EFCAB8: variants seen among roughly 807,000 people sequenced by gnomAD.
EFCAB8 encodes the protein EF-hand calcium binding domain 8, also known as EF-hand calcium-binding domain-containing protein 8.
EFCAB8 carries 100 observed loss-of-function variants against 116.3 expected under a neutral mutation model. The ratio of observed to expected loss-of-function variants is 0.86; its 90% CI spans 0.73 to 1.02. The LOEUF (loss-of-function observed/expected upper bound fraction) is 1.02. EFCAB8 is among the 50% of genes least tolerant of loss of function. The pLI, the probability that EFCAB8 is intolerant of heterozygous loss-of-function variation, is 0.00. For missense variants in EFCAB8, 1,320 were observed against 1,416.9 expected, an observed-to-expected ratio of 0.93 and a Z score of 1.10; for synonymous variants, 558 against 567.9, an observed-to-expected ratio of 0.98 and a Z score of 0.25.
rs77467549 is a variant in EFCAB8, at chr20:32,912,572, A to G, written c.1786-222A>G. On this transcript the variant is annotated intron_variant, in intron 16 of 26. Transcript: ENST00000400522. Reference sequence around the variant, plus strand: ...CCCATTTCCCAGCTATCCTCTCTGTAAAATGGACATGGATGCCTACCCTAT... The same window carrying G: ...CCCATTTCCCAGCTATCCTCTCTGTGAAATGGACATGGATGCCTACCCTAT... Among the ~76,000 whole-genome samples the G allele has an allele frequency of 2.8e-3, 429 of 152,268 alleles. 2 individuals carry two copies. Among genetic ancestry groups the G allele is most frequent in the African/African-American group, 9.5e-3 (395 of 41,540 alleles).
At chr20:32,953,502 TG>T (rs1430823519) in intron 23 of EFCAB8, among the ~76,000 whole-genome samples, 5 of 152,222 alleles carry the variant, frequency 3.3e-5, no homozygotes, top group African/African-American at 9.6e-5. Flanking sequence ...ATTTTGTTTT[TG>T]TTTTTTTTGT....
At chr20:32,902,292 G>A (rs1171633850) in intron 11 of EFCAB8, among the ~76,000 whole-genome samples, 3 of 152,298 alleles carry the variant, frequency 2.0e-5, no homozygotes, top group African/African-American at 2.4e-5. Context: ...AGGCTGCATA[G>A]GATGGTGGCC....
chr20:32,961,552 G>GC lies in EFCAB8; in HGVS notation c.3812dup (p.Leu1272SerfsTer?). 2 of 1,403,280 alleles carry GC rather than the reference G, an allele frequency of 1.4e-6. No homozygotes were observed. Among genetic ancestry groups the GC allele is most frequent in the Non-Finnish European group, 1.9e-6 (2 of 1,076,808 alleles). 86.9% of individuals were successfully genotyped at this position (1,403,280 alleles called of 1,614,324 possible). ...TCTCCTCCTTCGAGCGGCCCCCAAGGCCTCTGAAGGCCACCTTCATGTCCT... is the reference window on the plus strand; with the variant it reads ...TCTCCTCCTTCGAGCGGCCCCCAAGGCCCTCTGAAGGCCACCTTCATGTCCT... On this transcript the variant is annotated frameshift_variant, in exon 27 of 27. Coordinates refer to ENST00000400522, the MANE Select transcript of EFCAB8 (RefSeq NM_001143967.2). LOFTEE classifies it low-confidence loss of function (END_TRUNC).
intron 20 of EFCAB8, among the ~76,000 whole-genome samples, chr20:32,928,642 A>G (rs1987766563): frequency 6.6e-6 from 1 of 152,140 alleles, no homozygotes; most frequent in South Asian, 2.1e-4. Flanking sequence ...TACATATAAG[A>G]TAATATCATC....
chr20:32,934,608 A>G (rs995919852), intron 22 of EFCAB8, among the ~76,000 whole-genome samples: 11 of 152,210 alleles, frequency 7.2e-5, no homozygotes, highest in African/African-American at 2.7e-4. Context: ...TGTAGCTCTC[A>G]TAATCCCCAG....
intron 23 of EFCAB8, among the ~76,000 whole-genome samples, chr20:32,945,237 A>G (rs1988551540): frequency 1.3e-5 from 2 of 152,060 alleles, no homozygotes; most frequent in Admixed American, 1.3e-4. Context: ...CAGCTCACTG[A>G]AGCCTTGACC....
intron 2 of EFCAB8, 81 bp downstream of exon 2, chr20:32,863,915 A>G (rs981628149): frequency 5.4e-6 from 8 of 1,473,246 alleles, no homozygotes; most frequent in Non-Finnish European, 6.4e-6. Flanking sequence ...GCATGGAAGT[A>G]TAGGTGTTTC....
chr20:32,898,148 T>C (rs1986252445), intron 10 of EFCAB8, among the ~76,000 whole-genome samples: 1 of 152,244 alleles, frequency 6.6e-6, no homozygotes, highest in Admixed American at 6.5e-5. Flanking sequence ...GGGCTCCCTG[T>C]GGATAACTAG....
chr20:32,897,770 G>A (rs79029642), intron 10 of EFCAB8, among the ~76,000 whole-genome samples: 3,942 of 152,282 alleles, frequency 0.026, 59 homozygotes, highest in South Asian at 0.054. Context: ...GTCTCACTCA[G>A]TGTCTTGGAT....
chr20:32,925,321 G>T (rs1987626494), intron 20 of EFCAB8, among the ~76,000 whole-genome samples: 1 of 152,158 alleles, frequency 6.6e-6, no homozygotes, highest in African/African-American at 2.4e-5. Flanking sequence ...CTGGGTTCAA[G>T]TGATTCTCGT....
intron 17 of EFCAB8, among the ~76,000 whole-genome samples, chr20:32,916,074 A>G (rs1355515775): frequency 1.3e-5 from 2 of 152,206 alleles, no homozygotes; most frequent in African/African-American, 4.8e-5. Context: ...TCAGGCTGTT[A>G]TAACAGAATA....
chr20:32,949,959 C>A (rs1364469553), intron 23 of EFCAB8, among the ~76,000 whole-genome samples: 4 of 152,166 alleles, frequency 2.6e-5, no homozygotes, highest in Non-Finnish European at 4.4e-5. Flanking sequence ...AAGATCGCAC[C>A]ACTGCACTGC....
At chr20:32,903,807 G>C (rs1219939552) in intron 11 of EFCAB8, 1 of 152,604 alleles carries the variant, frequency 6.6e-6, no homozygotes, top group Non-Finnish European at 1.5e-5. Flanking sequence ...TGGGCTAGCA[G>C]TGGCCATGGG....
rs1207641938 is a variant in EFCAB8 at position 32,889,996 on chromosome 20, G to A, written c.673+590G>A. ...AGCATGGGCGACAGAGAGAGACTCA[G>A]TCTTAAAAAAAAAAAAAAAAAAAGC... On this transcript the variant is annotated intron_variant, in intron 7 of 26. Coordinates refer to ENST00000400522, the MANE Select transcript of EFCAB8 (RefSeq NM_001143967.2). Among the ~76,000 whole-genome samples, 4 of 106,796 alleles carry A rather than the reference G, an allele frequency of 3.7e-5. 1 individual carries two copies. In the East Asian group the frequency reaches 9.9e-4, roughly 27 times the overall value. The allele number at this position is 106,796 out of a possible 152,430, so 70.1% of individuals were successfully genotyped here.
intron 1 of EFCAB8, among the ~76,000 whole-genome samples, chr20:32,863,051 C>A (rs1205508205): frequency 6.6e-6 from 1 of 152,016 alleles, no homozygotes; most frequent in Non-Finnish European, 1.5e-5. Context: ...TCCTCCCTCC[C>A]CTCTGCCTCC....
At chr20:32,864,728 A>C (rs1023224833) in intron 2 of EFCAB8, among the ~76,000 whole-genome samples, 6 of 152,218 alleles carry the variant, frequency 3.9e-5, no homozygotes. Flanking sequence ...AGTTTTTATC[A>C]AGCCAGGTAT....
chr20:32,901,933 G>A (rs560703964), intron 11 of EFCAB8, among the ~76,000 whole-genome samples: 2 of 152,124 alleles, frequency 1.3e-5, no homozygotes, highest in Non-Finnish European at 2.9e-5. Context: ...TGATTCGCCC[G>A]CCTCGGCCTC....
intron 15 of EFCAB8, 117 bp from the exon 16 acceptor site, chr20:32,911,363 C>A: frequency 1.2e-6 from 1 of 853,690 alleles, no homozygotes; most frequent in Non-Finnish European, 1.7e-6. Flanking sequence ...TAGCAGGGGG[C>A]CCTGAACGTC....
chr20:32,961,398 C>T lies in EFCAB8; in HGVS notation c.3656C>T (p.Thr1219Ile). The T allele has an allele frequency of 2.7e-6, 4 of 1,458,122 alleles. No homozygotes were observed. Among genetic ancestry groups the T allele is most frequent in the Non-Finnish European group, 2.7e-6 (3 of 1,103,264 alleles). The allele number at this position is 1,458,122 out of a possible 1,614,324, so 90.3% of individuals were successfully genotyped here. A position where few individuals can be genotyped will look rare whatever the true frequency, so the allele number is the denominator to read the frequency against. The change falls in exon 27 of 27, where the codon ACC (threonine) becomes ATC (isoleucine). Residue 1219 changes from threonine to isoleucine, a missense_variant. By Grantham distance (89) the Thr-to-Ile change is moderately conservative (BLOSUM62 -1). Coordinates refer to ENST00000400522, the MANE Select transcript of EFCAB8 (RefSeq NM_001143967.2). ...AGGCTGCTGGACTCCAGCTTGCCCA[C>T]CTTCCTGACGCCCCAGTTCTCCTTC... is the stretch of plus-strand genomic sequence containing the variant. ...ASRLLDSSLPTFLTPQFSFLL... is the reference protein window; with the variant it reads ...ASRLLDSSLPIFLTPQFSFLL...
Sources: gnomAD v4.1 joint callset for allele counts (sites outside exome capture counted in the v4.1 genomes callset) on GRCh38, gnomAD v4.1.1 for gene constraint, MANE v1.5 for transcripts, NCBI Gene and HGNC (gene_info 2026-07-23, HGNC 2026-07-21) for gene names.